RELCH: variants seen among roughly 807,000 people sequenced by gnomAD.
RELCH encodes the protein RAB11 binding and LisH domain, coiled-coil and HEAT repeat containing.
Under a neutral mutation model 150.3 loss-of-function variants are expected in RELCH, and 41 were observed. The ratio of observed to expected loss-of-function variants is 0.27; its 90% CI spans 0.21 to 0.35. The LOEUF is 0.35. Among genes scored for constraint, RELCH ranks in the 10% least tolerant of loss-of-function variants. RELCH has a pLI of 1.00. For synonymous variants in RELCH, 478 were observed against 531.8 expected, an observed-to-expected ratio of 0.90 and a Z score of 1.39; for missense variants, 1,092 against 1,467.8, an observed-to-expected ratio of 0.74 and a Z score of 4.18.
chr18:62,232,178 CTGTTGT>C (rs536910477), intron 9 of RELCH, among the ~76,000 whole-genome samples, 148 bp from the exon 10 acceptor site: 1 of 149,746 alleles, frequency 6.7e-6, no homozygotes, highest in African/African-American at 2.5e-5. Flanking sequence ...GCTGCTGCTG[CTGTTGT>C]TGTTGTTGTT....
chr18:62,228,476 T>G lies in RELCH; in HGVS notation c.1326T>G (p.Asp442Glu). 6.2e-7 allele frequency: 1 copy of G among 1,613,392 alleles called. No homozygotes were observed. The highest frequency in any genetic ancestry group is 8.5e-7 in the Non-Finnish European group (1 of 1,179,644). The change falls in exon 8 of 29, where the codon GAT (aspartate) becomes GAG (glutamate). Residue 442 changes from aspartate (D) to glutamate (E), a missense_variant. By Grantham distance (45) the Asp-to-Glu change is conservative. Transcript: ENST00000644646. ...KNTDIHLSISDEADSTIPKEN... is the reference protein window; with the variant it reads ...KNTDIHLSISEEADSTIPKEN... ...CAGACATCCATCTTTCAATATCAGA[T>G]GAAGCTGATTCCACTATTCCTAAAG...
intron 1 of RELCH, among the ~76,000 whole-genome samples, chr18:62,191,836 A>T (rs991859349): frequency 4.6e-5 from 7 of 152,168 alleles, no homozygotes; most frequent in Non-Finnish European, 1.0e-4. Flanking sequence ...TCCTATTGTG[A>T]ATAGTGCTGC....
In RELCH at chr18:62,211,203, T is replaced by C. The variant is rs1234209834; in HGVS notation, c.577T>C (p.Ser193Pro). 6.2e-7 allele frequency: 1 copy of C among 1,610,498 alleles called. No individual in the cohort carries two copies. The highest frequency in any genetic ancestry group is 8.5e-7 in the Non-Finnish European group (1 of 1,177,166). The stretch of plus-strand genomic sequence containing the variant: ...TGATTCTTTAGACTTTGCAAGATAT[T>C]CAGATGATGGTAACAGGGAAACAGA... ...TLDSLDFARYSDDGNRETDEK... is the reference protein window; with the variant it reads ...TLDSLDFARYPDDGNRETDEK... The change falls in exon 2 of 29, where the codon TCA (serine) becomes CCA (proline). Residue 193 changes from serine to proline, a missense_variant. By Grantham distance (74) the Ser-to-Pro change is moderately conservative (BLOSUM62 -1). Around this residue, in one of 4 missense-constraint regions of RELCH, gnomAD observed 190 missense variants for 276.2 expected, o/e 0.69. Transcript: ENST00000644646.
chr18:62,245,001 G>A (rs574108928), intron 11 of RELCH, 125 bp downstream of exon 11: 7 of 634,278 alleles, frequency 1.1e-5, no homozygotes, highest in African/African-American at 1.8e-5. Context: ...TTTTAGCAGC[G>A]CTGGAGCATT....
intron 2 of RELCH, among the ~76,000 whole-genome samples, chr18:62,213,620 C>T (rs2040304423): frequency 2.0e-5 from 3 of 150,264 alleles, no homozygotes; most frequent in Admixed American, 1.3e-4. Context: ...GTCCCAGCTA[C>T]TCAGGAGGCT....
Position 62,229,219 on chromosome 18 carries a change from T to C in RELCH, c.1448+621T>C, listed in dbSNP as rs370662100. ...AAGAAAGGAATATTACTGAGCTCTT[T>C]TTATATGTCAGACAGAATCCTCAAT... On this transcript the variant is annotated intron_variant, in intron 8 of 28. Transcript: ENST00000644646. 2.1e-3 allele frequency among the ~76,000 whole-genome samples: 315 copies of C among 152,222 alleles called. 4 individuals carry two copies. The highest frequency in any genetic ancestry group is 7.3e-3 in the African/African-American group (305 of 41,574).
At chr18:62,208,257 T>C (rs1599833359) in intron 1 of RELCH, among the ~76,000 whole-genome samples, 1 of 152,158 alleles carries the variant, frequency 6.6e-6, no homozygotes, top group Non-Finnish European at 1.5e-5. Flanking sequence ...AAGAATTCTT[T>C]ATATCATGTA....
At chr18:62,220,871 C>T in intron 2 of RELCH, 166 bp from the exon 3 acceptor site, 2 of 645,892 alleles carry the variant, frequency 3.1e-6, no homozygotes, top group Non-Finnish European at 5.5e-6. Flanking sequence ...GCTTGCAAAT[C>T]AACTCTGCTG....
At chr18:62,291,509 TTTTG>T (rs755075785) in intron 26 of RELCH, 30 bp from the exon 27 acceptor site, 86 of 1,401,444 alleles carry the variant, frequency 6.1e-5, no homozygotes, top group Non-Finnish European at 8.2e-5. Context: ...ACCAATTTGG[TTTTG>T]TTTAATTCCC....
intron 2 of RELCH, among the ~76,000 whole-genome samples, chr18:62,214,022 TG>T (rs1210608229): frequency 3.3e-5 from 5 of 151,844 alleles, no homozygotes; most frequent in East Asian, 1.9e-4. Flanking sequence ...AGTTTTGGCC[TG>T]TTTTTTTTTT....
intron 1 of RELCH, among the ~76,000 whole-genome samples, chr18:62,193,333 G>A (rs112407972): frequency 0.031 from 4,770 of 152,146 alleles, 112 homozygotes; most frequent in South Asian, 0.072. Context: ...TAACTTCCTC[G>A]CCTCCTATTT....
chr18:62,241,064 G>A lies in RELCH; in HGVS notation c.1621-3700G>A, dbSNP rs984894955. Among the ~76,000 whole-genome samples the A allele has an allele frequency of 3.3e-5, 5 of 152,098 alleles. No individual in the cohort carries two copies. The South Asian group carries it at 8.3e-4, about 25-fold the overall frequency. On this transcript the variant is annotated intron_variant, in intron 10 of 28. Transcript: ENST00000644646. ...CAGACACCTCAGCTAATAGAAAAAT[G>A]CAAGTTAGCTTACTGCAACCTTAGC... is the stretch of plus-strand genomic sequence containing the variant.
chr18:62,227,415 G>C lies in RELCH; in HGVS notation c.985G>C (p.Glu329Gln). 1 of 1,613,264 alleles carries C rather than the reference G, an allele frequency of 6.2e-7. No individual in the cohort carries two copies. The highest frequency in any genetic ancestry group is 8.5e-7 in the Non-Finnish European group (1 of 1,179,532). The change falls in exon 6 of 29, where the codon GAA becomes CAA. Residue 329 changes from glutamate to glutamine, a missense_variant. By Grantham distance (29) the Glu-to-Gln change is conservative. This residue lies in a region of RELCH where 57 missense variants were observed against 41.5 expected (regional missense o/e 1.37). Coordinates refer to ENST00000644646, the MANE Select transcript of RELCH (RefSeq NM_001346231.2). ...TCTTGTAGATGTGGCCAGTGGAGTA[G>C]AAGAAGATGAATTAGAGGCCCTTAC... Reference protein sequence around the residue: ...KDLVDVASGVEEDELEALTPI... With the variant: ...KDLVDVASGVQEDELEALTPI...
chr18:62,222,465 TG>T (rs1701623025), intron 5 of RELCH, among the ~76,000 whole-genome samples: 1 of 151,716 alleles, frequency 6.6e-6, no homozygotes, highest in Non-Finnish European at 1.5e-5. Context: ...TGAGAAACAT[TG>T]AGAGGTCAAA....
intron 2 of RELCH, among the ~76,000 whole-genome samples, chr18:62,219,008 C>CT (rs1195402540): frequency 6.6e-6 from 1 of 151,804 alleles, no homozygotes; most frequent in Non-Finnish European, 1.5e-5. Context: ...CATATTATGC[C>CT]TTTATAGAAA....
intron 26 of RELCH, among the ~76,000 whole-genome samples, chr18:62,287,734 T>C (rs1370549804): frequency 6.6e-6 from 1 of 152,196 alleles, no homozygotes; most frequent in African/African-American, 2.4e-5. Context: ...TTTATATTAG[T>C]TAGCTACATA....
rs1345500799 is a variant in RELCH at position 62,306,208 on chromosome 18, CT to C, written c.*676del. 1 of 152,238 alleles carries C rather than the reference CT, an allele frequency of 6.6e-6. No homozygotes were observed. Among genetic ancestry groups the C allele is most frequent in the Non-Finnish European group, 1.5e-5 (1 of 68,010 alleles). The allele number at this position is 152,238 out of a possible 1,614,324, so 9.4% of individuals were successfully genotyped here. ...AAGTGCTATTTAAACCTCCCCAGCACTTAGATGCATATAATGGACTTACCTG... is the reference window on the plus strand; with the variant it reads ...AAGTGCTATTTAAACCTCCCCAGCACTAGATGCATATAATGGACTTACCTG... On this transcript the variant is annotated 3_prime_UTR_variant, in exon 29 of 29. Coordinates refer to ENST00000644646, the MANE Select transcript of RELCH (RefSeq NM_001346231.2).
chr18:62,210,542 G>A (rs2040090978), intron 1 of RELCH, among the ~76,000 whole-genome samples: 1 of 152,116 alleles, frequency 6.6e-6, no homozygotes, highest in Admixed American at 6.5e-5. Flanking sequence ...ATTTCTATTA[G>A]CATTTTTTAC....
At position 62,302,969 on chromosome 18, in the gene RELCH, A is replaced by G. The variant is rs1487339998; in HGVS notation, c.3531-2445A>G. ...GAGGATACACATTACAAGGTAGCCC[A>G]TTTCATTTTAATAACTCTTTTTAAA... On this transcript the variant is annotated intron_variant, in intron 28 of 28. Transcript: ENST00000644646. 2.6e-5 allele frequency among the ~76,000 whole-genome samples: 4 copies of G among 152,292 alleles called. No individual in the cohort carries two copies. The East Asian group carries it at 7.7e-4, about 29-fold the overall frequency.
Sources: gnomAD v4.1 joint callset for allele counts (sites outside exome capture counted in the v4.1 genomes callset) on GRCh38, gnomAD v4.1.1 for gene constraint, gnomAD v4.1.1 regional missense constraint, MANE v1.5 for transcripts, NCBI Gene and HGNC (gene_info 2026-07-23, HGNC 2026-07-21) for gene names.